Variants in PDSS1 observed in about 807,000 individuals in gnomAD.
The protein encoded by PDSS1 is decaprenyl diphosphate synthase subunit 1.
Under a neutral mutation model 57.5 loss-of-function variants are expected in PDSS1, and 43 were observed. The observed-to-expected ratio is 0.75, with a 90% CI of 0.59 to 0.96. The LOEUF is 0.96. Among genes scored for constraint, PDSS1 ranks in the 50% least tolerant of loss-of-function variants. PDSS1 has a pLI of 0.00. For synonymous variants in PDSS1, 175 were observed against 191.3 expected, an observed-to-expected ratio of 0.91 and a Z score of 0.70; for missense variants, 438 against 527.8, an observed-to-expected ratio of 0.83 and a Z score of 1.67.
At chr10:26,732,466 T>A (rs892257774) in intron 8 of PDSS1, among the ~76,000 whole-genome samples, 1 of 152,184 alleles carries the variant, frequency 6.6e-6, no homozygotes, top group Non-Finnish European at 1.5e-5. Flanking sequence ...TTGGACACAT[T>A]CCTTGACCTC....
rs752239214 is a variant in PDSS1 at position 26,709,653 on chromosome 10, A to G, written c.352A>G (p.Thr118Ala). 5.0e-6 allele frequency: 8 copies of G among 1,613,846 alleles called. No individual in the cohort carries two copies. Among genetic ancestry groups the G allele is most frequent in the Admixed American group, 1.7e-5 (1 of 60,014 alleles). Reference sequence around the variant, plus strand: ...TTTATTTCAGGAACTGCTTATATCAACATCAGAACTTAAGGAAATGTCTGA... The same window carrying G: ...TTTATTTCAGGAACTGCTTATATCAGCATCAGAACTTAAGGAAATGTCTGA... ...EDIRKELLISTSELKEMSEYY... is the reference protein window; with the variant it reads ...EDIRKELLISASELKEMSEYY... Residue 118 changes from threonine to alanine, a missense_variant, in exon 5 of 12, where the codon ACA (threonine) becomes GCA (alanine). This residue lies in a region of PDSS1 where 284 missense variants were observed against 390.7 expected (regional missense o/e 0.73). Transcript: ENST00000376215.
chr10:26,744,315 A>G lies in PDSS1; in HGVS notation c.1107+1738A>G, dbSNP rs536827946. ...GATCCATTAAATCCGAAGGCAAAAG[A>G]AAGTCACCACACATCAGGACTAAAA... On this transcript the variant is annotated intron_variant, in intron 11 of 11. Transcript: ENST00000376215. Among the ~76,000 whole-genome samples, 3 of 151,876 alleles carry G rather than the reference A, an allele frequency of 2.0e-5. No homozygotes were observed. In the South Asian group the frequency reaches 6.2e-4, roughly 32 times the overall value.
intron 6 of PDSS1, 114 bp from the exon 7 acceptor site, chr10:26,723,692 C>T: frequency 2.6e-6 from 2 of 781,812 alleles, no homozygotes; most frequent in Non-Finnish European, 4.7e-6. Context: ...AAAAACCCTG[C>T]ATCCAAGATG....
rs950280561 is a variant in PDSS1, at chr10:26,701,800, T to C, written c.130-362T>C. ...AGCTGTGAAAGGAGGGCCACCGTGC[T>C]CTAGACCCCAGAATGGTAGGTCCAC... is the stretch of plus-strand genomic sequence containing the variant. On this transcript the variant is annotated intron_variant, in intron 1 of 11. Transcript: ENST00000376215. 4 of 454,082 alleles carry C rather than the reference T, an allele frequency of 8.8e-6. No individual in the cohort carries two copies. In the Admixed American group the frequency reaches 9.4e-5, roughly 11 times the overall value. 28.1% of individuals were successfully genotyped at this position (454,082 alleles called of 1,614,324 possible).
rs368409707 is a variant in PDSS1 at position 26,726,919 on chromosome 10, G to A, written c.831+2796G>A. Among the ~76,000 whole-genome samples, 399 of 152,114 alleles carry A rather than the reference G, an allele frequency of 2.6e-3. 1 individual carries two copies. Among genetic ancestry groups the A allele is most frequent in the African/African-American group, 8.9e-3 (369 of 41,494 alleles). ...TGTACTAAAAATACAAAAATTAGCC[G>A]GGCGTGGTGGTGCACGCCTGTAATG... On this transcript the variant is annotated intron_variant, in intron 8 of 11. Transcript: ENST00000376215.
At position 26,738,143 on chromosome 10, in the gene PDSS1, A is replaced by G. The variant is rs538237151; in HGVS notation, c.1026+2564A>G. On this transcript the variant is annotated intron_variant, in intron 10 of 11. Coordinates refer to ENST00000376215, the MANE Select transcript of PDSS1 (RefSeq NM_014317.5). The stretch of plus-strand genomic sequence containing the variant: ...TAGCAAGAAATGTGTCAAAAGATAT[A>G]TGGGACTAAGATTAATTCAGGTAAA... 9.8e-5 allele frequency among the ~76,000 whole-genome samples: 15 copies of G among 152,352 alleles called. No individual in the cohort carries two copies. The South Asian group carries it at 3.1e-3, about 32-fold the overall frequency.
intron 11 of PDSS1, among the ~76,000 whole-genome samples, chr10:26,743,828 A>G (rs1329590579): frequency 6.6e-6 from 1 of 152,212 alleles, no homozygotes; most frequent in African/African-American, 2.4e-5. Flanking sequence ...TTAAATATGA[A>G]TAGACAACTC....
intron 1 of PDSS1, among the ~76,000 whole-genome samples, chr10:26,699,530 G>T (rs1834978348): frequency 6.6e-6 from 1 of 151,898 alleles, no homozygotes; most frequent in Admixed American, 6.6e-5. Context: ...AAGTAGCTGG[G>T]ATTACAGGCG....
intron 5 of PDSS1, 26 bp from the exon 6 acceptor site, chr10:26,720,191 TA>T (rs1408736498): frequency 6.2e-7 from 1 of 1,612,076 alleles, no homozygotes. Context: ...CGGCGTCTGT[TA>T]AAAAGCATTG....
At chr10:26,740,788 G>A (rs954790097) in intron 10 of PDSS1, 1 of 414,118 alleles carries the variant, frequency 2.4e-6, no homozygotes, top group Non-Finnish European at 4.9e-6. Flanking sequence ...GACCCCAGGG[G>A]CTAAGGAAGT....
intron 5 of PDSS1, among the ~76,000 whole-genome samples, chr10:26,713,735 C>A (rs1437497225): frequency 2.0e-5 from 3 of 152,142 alleles, no homozygotes; most frequent in Non-Finnish European, 1.5e-5. Flanking sequence ...ATGTCCAGAA[C>A]ACAGAGTTGT....
chr10:26,731,668 T>C (rs1237148885), intron 8 of PDSS1, among the ~76,000 whole-genome samples: 1 of 152,242 alleles, frequency 6.6e-6, no homozygotes, highest in Non-Finnish European at 1.5e-5. Context: ...CCTTACTAAC[T>C]AAATGTGCCA....
chr10:26,740,970 C>G (rs1420902376), intron 10 of PDSS1, among the ~76,000 whole-genome samples: 1 of 152,104 alleles, frequency 6.6e-6, no homozygotes, highest in Admixed American at 6.6e-5. Flanking sequence ...TATTTTTTCT[C>G]TCTCTTCTTG....
intron 8 of PDSS1, among the ~76,000 whole-genome samples, chr10:26,724,561 TTTTTTTTG>T (rs1283288363): frequency 6.6e-6 from 1 of 151,946 alleles, no homozygotes; most frequent in East Asian, 1.9e-4. Context: ...TTCTATGAAC[TTTTTTTTG>T]TTTTTTTGTT....
At chr10:26,702,773 C>A (rs1248609408) in intron 2 of PDSS1, among the ~76,000 whole-genome samples, 3 of 152,100 alleles carry the variant, frequency 2.0e-5, no homozygotes, top group Non-Finnish European at 4.4e-5. Flanking sequence ...TAGCTTGAGC[C>A]CAGGAGATTG....
chr10:26,698,119 T>TC (rs1834931278), intron 1 of PDSS1, among the ~76,000 whole-genome samples: 1 of 151,824 alleles, frequency 6.6e-6, no homozygotes, highest in South Asian at 2.1e-4. Flanking sequence ...AGCGGTGGGA[T>TC]CCGTGTCCTG....
intron 11 of PDSS1, among the ~76,000 whole-genome samples, chr10:26,745,969 TTAAG>T (rs1658597562): frequency 1.3e-5 from 2 of 152,250 alleles, no homozygotes; most frequent in Admixed American, 1.3e-4. Flanking sequence ...TCTTTATTTT[TTAAG>T]TAAGTTTTAC....
intron 8 of PDSS1, chr10:26,734,656 G>A (rs1385155515): frequency 2.2e-6 from 1 of 456,262 alleles, no homozygotes; most frequent in African/African-American, 2.0e-5. Context: ...AGCGATATCT[G>A]TGTCTGAAGC....
chr10:26,701,710 G>T (rs962710169), intron 1 of PDSS1, among the ~76,000 whole-genome samples: 2 of 152,232 alleles, frequency 1.3e-5, no homozygotes, highest in African/African-American at 2.4e-5. Flanking sequence ...TGTTAGGACA[G>T]TGCAGAAAGG....
Sources: allele counts gnomAD v4.1 joint callset (sites outside exome capture counted in the v4.1 genomes callset), GRCh38; gene constraint gnomAD v4.1.1; regional missense constraint gnomAD v4.1.1; transcripts MANE v1.5; gene names NCBI Gene and HGNC (gene_info 2026-07-23, HGNC 2026-07-21).